Variants in FAM133B observed in about 807,000 individuals in gnomAD.
The protein encoded by FAM133B is protein FAM133B.
Under a neutral mutation model 46.4 loss-of-function variants are expected in FAM133B, and 25 were observed. The observed-to-expected ratio is 0.54, with a 90% CI of 0.39 to 0.75. The LOEUF is 0.75. Ranked by LOEUF, FAM133B falls within the 30% of genes least tolerant of loss-of-function variation. The probability of loss-of-function intolerance (pLI) is 0.00; values close to 1 mark genes in which losing one functional copy is unlikely to be tolerated. For missense variants in FAM133B, 205 were observed against 277.6 expected (o/e 0.74, Z 1.86); for synonymous variants, 75 against 86.0 (o/e 0.87, Z 0.71).
intron 1 of FAM133B, among the ~76,000 whole-genome samples, chr7:92,583,873 A>AC (rs1465209823): frequency 6.6e-6 from 1 of 151,674 alleles, no homozygotes; most frequent in Non-Finnish European, 1.5e-5. Context: ...ACATGGTGAA[A>AC]CCCTGTCTCT....
chr7:92,576,515 A>T (rs925135635), intron 7 of FAM133B, among the ~76,000 whole-genome samples: 3 of 152,208 alleles, frequency 2.0e-5, no homozygotes, highest in African/African-American at 7.2e-5. Context: ...ACTCTAGTAC[A>T]GTGTTTGTCA....
At chr7:92,581,794 T>TTGTGTGTGTGTG (rs10578440) in intron 1 of FAM133B, 191 bp from the exon 2 acceptor site, 4 of 306,426 alleles carry the variant, frequency 1.3e-5, no homozygotes, top group African/African-American at 4.4e-5. Context: ...TGGGAGAAAA[T>TTGTGTGTGTGTG]TGTGTGTGTG....
chr7:92,576,998 G>A, intron 7 of FAM133B, 105 bp downstream of exon 7: 4 of 594,806 alleles, frequency 6.7e-6, no homozygotes, highest in Non-Finnish European at 1.1e-5. Context: ...GAACATCAAA[G>A]TACAAATATC....
intron 2 of FAM133B, among the ~76,000 whole-genome samples, chr7:92,580,930 A>G (rs904369376): frequency 6.6e-6 from 1 of 152,210 alleles, no homozygotes; most frequent in African/African-American, 2.4e-5. Flanking sequence ...CCTATTATAC[A>G]TAAGCATACT....
chr7:92,579,183 C>G (rs944982433), intron 3 of FAM133B, 134 bp downstream of exon 3: 3 of 653,672 alleles, frequency 4.6e-6, no homozygotes, highest in South Asian at 1.8e-5. Context: ...CGGGGGGGGG[C>G]CTTACTTTGT....
At chr7:92,579,181 G>C (rs1051192199) in intron 3 of FAM133B, 136 bp downstream of exon 3, 3 of 663,854 alleles carry the variant, frequency 4.5e-6, no homozygotes, top group South Asian at 1.8e-5. Flanking sequence ...GGCGGGGGGG[G>C]GCCTTACTTT....
rs1260876144 is a variant in FAM133B, at chr7:92,575,807, CTTT to C, written c.477_479del (p.Lys163del). 7.6e-7 allele frequency: 1 copy of C among 1,323,778 alleles called. No homozygotes were observed. Among genetic ancestry groups the C allele is most frequent in the Non-Finnish European group, 1.1e-6 (1 of 927,866 alleles). 82.0% of individuals were successfully genotyped at this position (1,323,778 alleles called of 1,614,324 possible). ...CAGTTCCATCTTTTGACTTCTTTTT[CTTT>C]TTTAAACTATCCTAAACAAAGAAAT... On this transcript the variant is annotated inframe_deletion, in exon 8 of 11. Transcript: ENST00000445716.
chr7:92,568,975 C>CACAA (rs1188570097), intron 9 of FAM133B, among the ~76,000 whole-genome samples: 1 of 152,020 alleles, frequency 6.6e-6, no homozygotes, highest in Non-Finnish European at 1.5e-5. Flanking sequence ...AGGAGAGAGG[C>CACAA]ACAAACAAAC....
intron 10 of FAM133B, chr7:92,565,603 A>AC: frequency 5.9e-6 from 1 of 169,044 alleles, no homozygotes; most frequent in South Asian, 1.4e-4. Flanking sequence ...AGCTGGGACT[A>AC]TAGGTGCCCG....
At chr7:92,587,807 T>C (rs970246431) in intron 1 of FAM133B, among the ~76,000 whole-genome samples, 2 of 152,172 alleles carry the variant, frequency 1.3e-5, no homozygotes, top group African/African-American at 4.8e-5. Context: ...TAATGTAAAC[T>C]ACTGACTGGA....
chr7:92,589,982 A>C, intron 1 of FAM133B: 1 of 514,640 alleles, frequency 1.9e-6, no homozygotes, highest in Non-Finnish European at 3.5e-6. Flanking sequence ...CTAAGTGGGC[A>C]CTGGGGGCCC....
At chr7:92,579,187 A>T in intron 3 of FAM133B, 130 bp downstream of exon 3, 2 of 670,048 alleles carry the variant, frequency 3.0e-6, no homozygotes, top group East Asian at 3.1e-5. Flanking sequence ...GGGGGGCCTT[A>T]CTTTGTTGCC....
At chr7:92,583,565 CAT>C (rs1450036078) in intron 1 of FAM133B, among the ~76,000 whole-genome samples, 2 of 151,970 alleles carry the variant, frequency 1.3e-5, no homozygotes, top group South Asian at 2.1e-4. Flanking sequence ...TTTTCAAAAA[CAT>C]ATTGAGGCAA....
Position 92,569,898 on chromosome 7 carries a change from G to C in FAM133B, c.534C>G (p.Ser178Arg). The change falls in exon 9 of 11, where the codon AGC becomes AGG. Residue 178 changes from serine to arginine, a missense_variant. By Grantham distance (110) the Ser-to-Arg change is moderately radical (BLOSUM62 -1). Transcript: ENST00000445716. The part of the protein sequence containing the change: ...TEKEKDIKGL[S>R]KKRKMYSEDK... ...CTTCAGAATACATCTTTCTCTTTTTGCTGAGTCCTTTAATATCCTATGAAA... is the reference window on the plus strand; with the variant it reads ...CTTCAGAATACATCTTTCTCTTTTTCCTGAGTCCTTTAATATCCTATGAAA... The C allele has an allele frequency of 7.1e-7, 1 of 1,405,148 alleles. No homozygotes were observed. Among genetic ancestry groups the C allele is most frequent in the South Asian group, 1.7e-5 (1 of 58,772 alleles). 87.0% of individuals were successfully genotyped at this position (1,405,148 alleles called of 1,614,324 possible).
chr7:92,579,036 T>G (rs1403478090), intron 3 of FAM133B: 1 of 291,334 alleles, frequency 3.4e-6, no homozygotes, highest in Non-Finnish European at 6.4e-6. Flanking sequence ...TCTTCTTCAT[T>G]TTTTAAAGCA....
chr7:92,571,815 G>A (rs543256064), intron 8 of FAM133B, among the ~76,000 whole-genome samples: 1 of 152,110 alleles, frequency 6.6e-6, no homozygotes, highest in Non-Finnish European at 1.5e-5. Flanking sequence ...TTAATATCCA[G>A]TACGGCAAGT....
chr7:92,586,131 T>A lies in FAM133B; in HGVS notation c.24+4137A>T, dbSNP rs1490142584. 2.0e-5 allele frequency among the ~76,000 whole-genome samples: 3 copies of A among 152,334 alleles called. No homozygotes were observed. The Middle Eastern group carries it at 0.01, about 518-fold the overall frequency. On this transcript the variant is annotated intron_variant, in intron 1 of 10. Transcript: ENST00000445716. ...AGAGGAAAATGCTAGTAAAGTAGTATATTCACATGCTAGGACTACGGGTAC... is the reference window on the plus strand; with the variant it reads ...AGAGGAAAATGCTAGTAAAGTAGTAAATTCACATGCTAGGACTACGGGTAC...
At chr7:92,581,383 G>A (rs1794864561) in intron 2 of FAM133B, 123 bp downstream of exon 2, 1 of 746,930 alleles carries the variant, frequency 1.3e-6, no homozygotes, top group Non-Finnish European at 2.2e-6. Flanking sequence ...CATATCAAAT[G>A]TTACTTAAAA....
chr7:92,588,752 C>T (rs988668950), intron 1 of FAM133B, among the ~76,000 whole-genome samples: 1 of 152,158 alleles, frequency 6.6e-6, no homozygotes, highest in African/African-American at 2.4e-5. Flanking sequence ...CTCCTCTCCC[C>T]AGCACTGCAT....
Sources: gnomAD v4.1 joint callset for allele counts (sites outside exome capture counted in the v4.1 genomes callset) on GRCh38, gnomAD v4.1.1 for gene constraint, MANE v1.5 for transcripts, NCBI Gene and HGNC (gene_info 2026-07-23, HGNC 2026-07-21) for gene names.